The following ALPK1 variants were observed in gnomAD, a reference collection of about 807,000 sequenced individuals.
The protein encoded by ALPK1 is alpha kinase 1.
A neutral mutation model predicts 120.6 loss-of-function variants in ALPK1; 110 were observed. The observed-to-expected ratio is 0.91, with a 90% CI of 0.78 to 1.07. The LOEUF is 1.07. Among genes scored for constraint, ALPK1 ranks in the 50% least tolerant of loss-of-function variants. ALPK1 has a pLI of 0.00. For synonymous variants in ALPK1, 582 were observed against 560.3 expected, an observed-to-expected ratio of 1.04 and a Z score of -0.55; for missense variants, 1,498 against 1,483.9, an observed-to-expected ratio of 1.01 and a Z score of -0.16.
At chr4:112,412,069 C>G in intron 5 of ALPK1, 44 bp downstream of exon 5, 1 of 1,606,972 alleles carries the variant, frequency 6.2e-7, no homozygotes, top group African/African-American at 1.3e-5. Flanking sequence ...TCAGTGTCTT[C>G]TGGTCCCCTT....
intron 2 of ALPK1, among the ~76,000 whole-genome samples, chr4:112,336,684 G>T (rs778065606): frequency 2.6e-5 from 4 of 152,084 alleles, no homozygotes; most frequent in Non-Finnish European, 4.4e-5. Context: ...CAACAACAGC[G>T]TCTTCTATAG....
At chr4:112,390,028 C>T (rs77903764) in intron 4 of ALPK1, among the ~76,000 whole-genome samples, 278 of 152,314 alleles carry the variant, frequency 1.8e-3, no homozygotes, top group African/African-American at 6.3e-3. Flanking sequence ...ACATCTACCC[C>T]ACTTCACTCC....
At chr4:112,366,955 C>T (rs1731186082) in intron 2 of ALPK1, among the ~76,000 whole-genome samples, 1 of 152,144 alleles carries the variant, frequency 6.6e-6, no homozygotes, top group African/African-American at 2.4e-5. Context: ...GAATGGAAAA[C>T]CAAACGTCGT....
chr4:112,413,623 T>G (rs1733594773), intron 5 of ALPK1, among the ~76,000 whole-genome samples: 1 of 152,250 alleles, frequency 6.6e-6, no homozygotes. Context: ...TTTGCCATGT[T>G]GCCCAGGCTG....
chr4:112,354,798 T>A (rs549336215), intron 2 of ALPK1, among the ~76,000 whole-genome samples: 27 of 152,270 alleles, frequency 1.8e-4, no homozygotes, highest in African/African-American at 6.3e-4. Context: ...GTGACAATAA[T>A]TTTTGCATCA....
intron 5 of ALPK1, 37 bp from the exon 6 acceptor site, chr4:112,423,907 A>G: frequency 1.2e-6 from 2 of 1,610,350 alleles, no homozygotes; most frequent in Non-Finnish European, 1.7e-6. Context: ...GTGCATGTTC[A>G]AAGCTAATTG....
intron 1 of ALPK1, among the ~76,000 whole-genome samples, chr4:112,314,604 A>G (rs73843075): frequency 0.085 from 12,879 of 152,210 alleles, 835 homozygotes; most frequent in Admixed American, 0.21. Flanking sequence ...AATAAGAGTG[A>G]TTTGGAGAGA....
chr4:112,427,502 G>C, intron 8 of ALPK1, 68 bp from the exon 9 acceptor site: 1 of 1,061,854 alleles, frequency 9.4e-7, no homozygotes, highest in Non-Finnish European at 1.5e-6. Flanking sequence ...ATAGCCTTTA[G>C]GCCATGGATG....
intron 2 of ALPK1, among the ~76,000 whole-genome samples, chr4:112,354,379 A>C (rs1730502922): frequency 6.6e-6 from 1 of 152,198 alleles, no homozygotes. Flanking sequence ...CAGTTAGCTC[A>C]ATGCCATATA....
intron 3 of ALPK1, among the ~76,000 whole-genome samples, chr4:112,378,257 A>T (rs1283237294): frequency 6.6e-6 from 1 of 152,192 alleles, no homozygotes; most frequent in African/African-American, 2.4e-5. Flanking sequence ...CTTTTTTTCA[A>T]ACTAGGATTT....
chr4:112,394,713 G>A (rs1732573863), intron 4 of ALPK1, among the ~76,000 whole-genome samples: 2 of 152,172 alleles, frequency 1.3e-5, no homozygotes, highest in Non-Finnish European at 2.9e-5. Context: ...AGGCATGCAA[G>A]TTATCCCTTT....
At chr4:112,432,667 A>G in intron 11 of ALPK1, 86 bp downstream of exon 11, 1 of 1,293,892 alleles carries the variant, frequency 7.7e-7, no homozygotes, top group Non-Finnish European at 1.1e-6. Context: ...GATCACTTAA[A>G]GCTCATGAAA....
At position 112,435,310 on chromosome 4, in the gene ALPK1, T is replaced by TA; in HGVS notation, c.3188+14dup. 1 of 1,604,844 alleles carries TA rather than the reference T, an allele frequency of 6.2e-7. No individual in the cohort carries two copies. Among genetic ancestry groups the TA allele is most frequent in the South Asian group, 1.1e-5 (1 of 89,722 alleles). ...GAAGAAATTCTGGGGAGGTATTACT[T>TA]AAAAACATTTGTATAACTAATGTAA... On this transcript the variant is annotated intron_variant, in intron 12 of 15. Coordinates refer to ENST00000650871, the MANE Select transcript of ALPK1 (RefSeq NM_025144.4).
chr4:112,357,468 GA>G, intron 2 of ALPK1: 1 of 717,088 alleles, frequency 1.4e-6, no homozygotes, highest in Non-Finnish European at 2.5e-6. Context: ...GAAAGCGAGG[GA>G]AGGTGCTGAG....
intron 2 of ALPK1, among the ~76,000 whole-genome samples, chr4:112,322,300 C>T (rs12648308): frequency 0.38 from 57,422 of 152,024 alleles, 12,595 homozygotes; most frequent in African/African-American, 0.6. Context: ...ATTAAGCATG[C>T]TGTTCTTGTC....
intron 1 of ALPK1, among the ~76,000 whole-genome samples, chr4:112,298,868 A>C (rs1435342225): frequency 6.6e-6 from 1 of 152,124 alleles, no homozygotes; most frequent in Admixed American, 6.5e-5. Context: ...GGCTCCTTCT[A>C]TTCCAAACAA....
At chr4:112,380,142 C>A (rs561498556) in intron 3 of ALPK1, among the ~76,000 whole-genome samples, 2 of 152,064 alleles carry the variant, frequency 1.3e-5, no homozygotes, top group Non-Finnish European at 2.9e-5. Context: ...TAATAAGGAC[C>A]CTAGGACCAC....
In ALPK1 at chr4:112,432,496, G is replaced by T; in HGVS notation, c.2949G>T (p.Leu983=). The change falls in exon 11 of 16, where the codon CTG becomes CTT. Residue 983 remains leucine (L), a synonymous_variant. Coordinates refer to ENST00000650871, the MANE Select transcript of ALPK1 (RefSeq NM_025144.4). ...TGCAACCTGATGACTTTGAAAAGCT[G>T]TTGGCAGGAGTGAGGCATGATTGGC... is the stretch of plus-strand genomic sequence containing the variant. ...RTLQPDDFEK[L]LAGVRHDWLF... is the part of the protein sequence containing the mutation. 6.2e-7 allele frequency: 1 copy of T among 1,614,190 alleles called. No individual in the cohort carries two copies. The highest frequency in any genetic ancestry group is 1.1e-5 in the South Asian group (1 of 91,076).
intron 3 of ALPK1, among the ~76,000 whole-genome samples, chr4:112,381,633 CA>C (rs1156632349): frequency 6.6e-6 from 1 of 152,150 alleles, no homozygotes; most frequent in African/African-American, 2.4e-5. Flanking sequence ...CAGTCAAACA[CA>C]AAAAATTTTG....
Sources: allele counts gnomAD v4.1 joint callset (sites outside exome capture counted in the v4.1 genomes callset), GRCh38; gene constraint gnomAD v4.1.1; transcripts MANE v1.5; gene names NCBI Gene and HGNC (gene_info 2026-07-23, HGNC 2026-07-21).